Variants in CCDC170 observed in about 807,000 individuals in gnomAD.
CCDC170 encodes coiled-coil domain-containing protein 170.
In CCDC170, 69 loss-of-function variants were observed where a neutral mutation model predicts 72.6. The observed-to-expected ratio is 0.95, with a 90% CI of 0.78 to 1.16. The LOEUF (loss-of-function observed/expected upper bound fraction) is 1.16, where lower values mean the gene tolerates loss of function less well. Among genes scored for constraint, CCDC170 ranks in the 50% most tolerant of loss-of-function variants. CCDC170 has a pLI of 0.00. For synonymous variants in CCDC170, 300 were observed against 303.9 expected (o/e 0.99, Z 0.13); for missense variants, 852 against 832.5 (o/e 1.02, Z -0.29).
intron 8 of CCDC170, 86 bp from the exon 9 acceptor site, chr6:151,596,245 GTAGA>G: frequency 7.2e-7 from 1 of 1,381,250 alleles, no homozygotes; most frequent in Non-Finnish European, 9.7e-7. Context: ...TTATTGAGGT[GTAGA>G]TAGAGATCAA....
intron 7 of CCDC170, 121 bp from the exon 8 acceptor site, chr6:151,592,986 T>C (rs73780805): frequency 0.036 from 38,602 of 1,082,390 alleles, 1,102 homozygotes; most frequent in African/African-American, 0.11. Context: ...CCGTGCTCCG[T>C]TCCATGCTCT....
chr6:151,506,942 G>A (rs1343873414), intron 1 of CCDC170, among the ~76,000 whole-genome samples: 1 of 152,166 alleles, frequency 6.6e-6, no homozygotes, highest in African/African-American at 2.4e-5. Context: ...GGCCTGTCCT[G>A]CAGATTTCCG....
intron 3 of CCDC170, among the ~76,000 whole-genome samples, chr6:151,543,268 C>T (rs1017988416): frequency 1.3e-5 from 2 of 152,012 alleles, no homozygotes; most frequent in Admixed American, 6.6e-5. Flanking sequence ...TTCCTTTTTC[C>T]TTGACTGGCC....
chr6:151,511,875 T>A (rs1782155119), intron 1 of CCDC170, among the ~76,000 whole-genome samples: 1 of 152,200 alleles, frequency 6.6e-6, no homozygotes, highest in Non-Finnish European at 1.5e-5. Context: ...AGACAGGGTC[T>A]CAGTCTCTGC....
chr6:151,584,881 TAGAC>T (rs1168563761), intron 6 of CCDC170, among the ~76,000 whole-genome samples: 3 of 152,216 alleles, frequency 2.0e-5, no homozygotes, highest in African/African-American at 7.2e-5. Flanking sequence ...TTTAAAAATT[TAGAC>T]AGTAAAAATC....
intron 1 of CCDC170, among the ~76,000 whole-genome samples, chr6:151,507,498 C>T (rs1055397931): frequency 2.0e-5 from 3 of 151,974 alleles, no homozygotes; most frequent in South Asian, 2.1e-4. Context: ...AATGCAGTCA[C>T]AAAAAATTAT....
chr6:151,499,822 C>T (rs1781967958), intron 1 of CCDC170, among the ~76,000 whole-genome samples: 1 of 152,120 alleles, frequency 6.6e-6, no homozygotes, highest in Non-Finnish European at 1.5e-5. Flanking sequence ...ATGCATATGT[C>T]ATGTTCTGTT....
intron 1 of CCDC170, among the ~76,000 whole-genome samples, chr6:151,529,338 C>T (rs1046498873): frequency 3.9e-5 from 6 of 152,234 alleles, no homozygotes; most frequent in Non-Finnish European, 8.8e-5. Context: ...ATGGTTTCAA[C>T]ATCCTCATCC....
chr6:151,524,524 T>C (rs1356164168), intron 1 of CCDC170, among the ~76,000 whole-genome samples: 1 of 152,260 alleles, frequency 6.6e-6, no homozygotes, highest in Non-Finnish European at 1.5e-5. Context: ...GAAAACCTAA[T>C]AAATTGGACT....
chr6:151,592,895 G>A (rs1050285355), intron 7 of CCDC170: 3 of 592,046 alleles, frequency 5.1e-6, no homozygotes, highest in Non-Finnish European at 9.0e-6. Context: ...AGGGCTAGGA[G>A]AGTCAAGAGC....
intron 1 of CCDC170, among the ~76,000 whole-genome samples, chr6:151,511,933 G>A (rs1028814676): frequency 3.3e-5 from 5 of 152,114 alleles, no homozygotes; most frequent in East Asian, 1.9e-4. Flanking sequence ...TTGCAGCCTC[G>A]ATTTCCTGGG....
At chr6:151,549,597 A>C (rs1423732351) in intron 5 of CCDC170, among the ~76,000 whole-genome samples, 2 of 151,924 alleles carry the variant, frequency 1.3e-5, no homozygotes, top group African/African-American at 4.8e-5. Context: ...CTTTCTTTAA[A>C]AAATTTATTT....
chr6:151,507,408 T>A (rs1046040460), intron 1 of CCDC170, among the ~76,000 whole-genome samples: 2 of 152,242 alleles, frequency 1.3e-5, no homozygotes, highest in African/African-American at 4.8e-5. Flanking sequence ...ACCATGGGTT[T>A]ATGAGGTTGC....
chr6:151,578,207 CCA>C (rs991452066), intron 6 of CCDC170, among the ~76,000 whole-genome samples: 2 of 152,184 alleles, frequency 1.3e-5, no homozygotes, highest in Admixed American at 1.3e-4. Flanking sequence ...TCCAGCCTCT[CCA>C]GTTATATGAG....
At chr6:151,596,984 G>A (rs1010885308) in intron 9 of CCDC170, among the ~76,000 whole-genome samples, 8 of 152,062 alleles carry the variant, frequency 5.3e-5, no homozygotes, top group Admixed American at 2.0e-4. Context: ...GCGCCACCAC[G>A]CCTGGCTAAT....
At chr6:151,569,738 T>C (rs999265731) in intron 5 of CCDC170, among the ~76,000 whole-genome samples, 5 of 152,210 alleles carry the variant, frequency 3.3e-5, no homozygotes, top group Non-Finnish European at 5.9e-5. Flanking sequence ...GCATTTGCAG[T>C]CTGAGGACAT....
intron 1 of CCDC170, among the ~76,000 whole-genome samples, chr6:151,520,652 C>T (rs1442640926): frequency 6.6e-6 from 1 of 152,194 alleles, no homozygotes; most frequent in Non-Finnish European, 1.5e-5. Context: ...CTGACCCTCC[C>T]TAAACTGCTC....
At chr6:151,506,926 G>T (rs1040646669) in intron 1 of CCDC170, among the ~76,000 whole-genome samples, 1 of 152,282 alleles carries the variant, frequency 6.6e-6, no homozygotes, top group Admixed American at 6.5e-5. Context: ...GGGTCTCGGG[G>T]CTGCTGGCCT....
At chr6:151,515,934 C>T (rs1782228666) in intron 1 of CCDC170, among the ~76,000 whole-genome samples, 2 of 151,966 alleles carry the variant, frequency 1.3e-5, no homozygotes, top group East Asian at 1.9e-4. Flanking sequence ...GGTGTGGTGG[C>T]ACATGCCTGT....
Sources: gnomAD v4.1 joint callset for allele counts (sites outside exome capture counted in the v4.1 genomes callset) on GRCh38, gnomAD v4.1.1 for gene constraint, MANE v1.5 for transcripts, NCBI Gene and HGNC (gene_info 2026-07-23, HGNC 2026-07-21) for gene names.